The following C8orf34 variants were observed in gnomAD, a reference collection of about 807,000 sequenced individuals.
C8orf34 encodes the protein chromosome 8 open reading frame 34, also known as uncharacterized protein C8orf34.
C8orf34 carries 65 observed loss-of-function variants against 68.3 expected under a neutral mutation model. The observed-to-expected ratio is 0.95, with a 90% CI of 0.78 to 1.17. C8orf34 has a LOEUF of 1.17. C8orf34 is among the 50% of genes most tolerant of loss of function. The pLI is 0.00. For synonymous variants in C8orf34, 244 were observed against 241.2 expected, an observed-to-expected ratio of 1.01 and a Z score of -0.11; for missense variants, 664 against 655.4, an observed-to-expected ratio of 1.01 and a Z score of -0.14.
chr8:68,639,441 C>T (rs1394509563), intron 7 of C8orf34, among the ~76,000 whole-genome samples: 4 of 151,672 alleles, frequency 2.6e-5, no homozygotes, highest in Admixed American at 1.3e-4. Context: ...TTGTAATATC[C>T]AATTAAAACG....
rs377425357 is a variant in C8orf34 at position 68,654,384 on chromosome 8, C to A, written c.1241+13873C>A. 2.0e-5 allele frequency among the ~76,000 whole-genome samples: 3 copies of A among 152,240 alleles called. No individual in the cohort carries two copies. In the South Asian group the frequency reaches 6.2e-4, roughly 32 times the overall value. ...AGTACTTTTAGATGAAAAGCGATTGCTTCTTTTATTTTTCAGCTTCATTTT... is the reference window on the plus strand; with the variant it reads ...AGTACTTTTAGATGAAAAGCGATTGATTCTTTTATTTTTCAGCTTCATTTT... On this transcript the variant is annotated intron_variant, in intron 8 of 13. Coordinates refer to ENST00000518698, the MANE Select transcript of C8orf34 (RefSeq NM_052958.4).
chr8:68,482,449 A>C (rs1026748809), intron 4 of C8orf34, among the ~76,000 whole-genome samples: 1 of 152,186 alleles, frequency 6.6e-6, no homozygotes, highest in East Asian at 1.9e-4. Flanking sequence ...TTTATTTTAA[A>C]ATATAAGTAG....
At chr8:68,593,645 A>G (rs1046972710) in intron 7 of C8orf34, among the ~76,000 whole-genome samples, 2 of 151,892 alleles carry the variant, frequency 1.3e-5, no homozygotes, top group Admixed American at 6.6e-5. Context: ...CACATTTTGT[A>G]TTTTGTTCAT....
chr8:68,706,367 A>C (rs1431618955), intron 8 of C8orf34, among the ~76,000 whole-genome samples: 1 of 151,776 alleles, frequency 6.6e-6, no homozygotes, highest in Non-Finnish European at 1.5e-5. Flanking sequence ...GAGATTTGTT[A>C]ATATTTGGTT....
chr8:68,375,607 A>G (rs1031098516), intron 1 of C8orf34, among the ~76,000 whole-genome samples: 3 of 152,248 alleles, frequency 2.0e-5, no homozygotes, highest in African/African-American at 7.2e-5. Context: ...GAGCCAAGAC[A>G]AGACAATCTT....
chr8:68,460,328 C>G (rs867424946), intron 3 of C8orf34, among the ~76,000 whole-genome samples: 1 of 152,350 alleles, frequency 6.6e-6, no homozygotes, highest in African/African-American at 2.4e-5. Context: ...TCAAGGAGGC[C>G]TGCCTGCCTC....
chr8:68,341,505 T>C (rs1806068423), intron 1 of C8orf34, among the ~76,000 whole-genome samples: 1 of 152,108 alleles, frequency 6.6e-6, no homozygotes, highest in South Asian at 2.1e-4. Flanking sequence ...TACCAGATAA[T>C]ATAGTGTGGA....
intron 7 of C8orf34, among the ~76,000 whole-genome samples, chr8:68,628,102 A>G (rs1282969290): frequency 1.7e-4 from 26 of 152,188 alleles, no homozygotes; most frequent in Admixed American, 1.7e-3. Context: ...TATGTTATTA[A>G]AATGGAAAAT....
intron 8 of C8orf34, among the ~76,000 whole-genome samples, chr8:68,683,906 C>A (rs1427861308): frequency 6.6e-6 from 1 of 152,126 alleles, no homozygotes; most frequent in East Asian, 1.9e-4. Flanking sequence ...GAGTGTAACT[C>A]CCAGATGGTA....
intron 5 of C8orf34, among the ~76,000 whole-genome samples, chr8:68,519,735 G>A (rs1040303453): frequency 1.3e-5 from 2 of 151,966 alleles, no homozygotes; most frequent in Non-Finnish European, 2.9e-5. Context: ...CCTGGGGGTG[G>A]GGGGGAAGAA....
intron 10 of C8orf34, among the ~76,000 whole-genome samples, chr8:68,768,668 T>C (rs1269189435): frequency 6.6e-6 from 1 of 152,212 alleles, no homozygotes; most frequent in African/African-American, 2.4e-5. Context: ...ACAATAGGGA[T>C]ACTGAAAACA....
At position 68,813,906 on chromosome 8, in the gene C8orf34, C is replaced by G. The variant is rs543843732; in HGVS notation, c.1550-1980C>G. 3.3e-5 allele frequency among the ~76,000 whole-genome samples: 5 copies of G among 152,270 alleles called. No homozygotes were observed. In the East Asian group the frequency reaches 9.7e-4, roughly 29 times the overall value. On this transcript the variant is annotated intron_variant, in intron 12 of 13. Transcript: ENST00000518698. ...CATTATAATTCCTTGCTTCTCAAATCTAGTTATTCTCATAGGCTGTATATA... is the reference window on the plus strand; with the variant it reads ...CATTATAATTCCTTGCTTCTCAAATGTAGTTATTCTCATAGGCTGTATATA...
chr8:68,576,918 T>G (rs569207865), intron 7 of C8orf34, among the ~76,000 whole-genome samples: 68 of 152,176 alleles, frequency 4.5e-4, no homozygotes, highest in African/African-American at 1.5e-3. Context: ...ATTTCTCTTC[T>G]TAAAGTGCAA....
chr8:68,525,606 T>C (rs1814941411), intron 6 of C8orf34: 6 of 855,104 alleles, frequency 7.0e-6, no homozygotes, highest in African/African-American at 6.6e-5. Flanking sequence ...GTCAGTACAA[T>C]GAAACCGAAC....
chr8:68,381,688 C>T (rs1211029548), intron 1 of C8orf34, among the ~76,000 whole-genome samples: 1 of 140,076 alleles, frequency 7.1e-6, no homozygotes, highest in East Asian at 2.1e-4. Context: ...GCCGAGATTG[C>T]GCCACTGCAG....
chr8:68,712,309 A>G (rs913075562), intron 9 of C8orf34, among the ~76,000 whole-genome samples: 1 of 152,178 alleles, frequency 6.6e-6, no homozygotes, highest in Non-Finnish European at 1.5e-5. Context: ...GGCAACAAAC[A>G]GCACAACGAA....
chr8:68,556,093 T>A (rs185148991), intron 7 of C8orf34, among the ~76,000 whole-genome samples: 22 of 152,100 alleles, frequency 1.4e-4, no homozygotes, highest in African/African-American at 5.1e-4. Flanking sequence ...ATGAAATACA[T>A]CCAAATTATT....
chr8:68,664,460 A>G (rs1236259097), intron 8 of C8orf34, among the ~76,000 whole-genome samples: 1 of 152,220 alleles, frequency 6.6e-6, no homozygotes, highest in Non-Finnish European at 1.5e-5. Flanking sequence ...CCATACTTCA[A>G]GTACCCATAC....
At chr8:68,620,766 C>A (rs1170641444) in intron 7 of C8orf34, among the ~76,000 whole-genome samples, 1 of 149,062 alleles carries the variant, frequency 6.7e-6, no homozygotes, top group Non-Finnish European at 1.5e-5. Context: ...ATATAAGTGT[C>A]CATTAATTTA....
Sources: allele counts gnomAD v4.1 joint callset (sites outside exome capture counted in the v4.1 genomes callset), GRCh38; gene constraint gnomAD v4.1.1; transcripts MANE v1.5; gene names NCBI Gene and HGNC (gene_info 2026-07-23, HGNC 2026-07-21).